Variants in SGCZ observed in about 807,000 individuals in gnomAD.
SGCZ encodes the protein zeta-sarcoglycan.
Under a neutral mutation model 41.3 loss-of-function variants are expected in SGCZ, and 40 were observed. That is an observed-to-expected ratio of 0.97 (90% CI 0.75 to 1.26). SGCZ has a LOEUF of 1.26. Ranked by LOEUF, SGCZ falls within the 50% of genes most tolerant of loss-of-function variation. SGCZ has a pLI of 0.00. For synonymous variants in SGCZ, 206 were observed against 137.5 expected (o/e 1.50, Z -3.49); for missense variants, 552 against 369.8 (o/e 1.49, Z -4.04).
Position 14,988,850 on chromosome 8 carries a change from C to A in SGCZ, c.39+248735G>T, listed in dbSNP as rs556068733. ...AGAAAACTGCTACCCTCATTTATTT[C>A]TGGATATTTAAAGTTGCCCCACTGG... On this transcript the variant is annotated intron_variant, in intron 1 of 7. Coordinates refer to ENST00000382080, the MANE Select transcript of SGCZ (RefSeq NM_139167.4). 4.6e-5 allele frequency among the ~76,000 whole-genome samples: 7 copies of A among 152,114 alleles called. No individual in the cohort carries two copies. In the East Asian group the frequency reaches 1.3e-3, roughly 29 times the overall value.
intron 1 of SGCZ, among the ~76,000 whole-genome samples, chr8:15,113,705 G>T (rs766376585): frequency 2.0e-5 from 3 of 152,090 alleles, no homozygotes; most frequent in Non-Finnish European, 4.4e-5. Context: ...GTCATTGCAT[G>T]AAATTATGCA....
At chr8:14,953,824 T>A (rs1405405932) in intron 1 of SGCZ, among the ~76,000 whole-genome samples, 1 of 152,230 alleles carries the variant, frequency 6.6e-6, no homozygotes, top group African/African-American at 2.4e-5. Context: ...TACACTATTA[T>A]GATTACTTCA....
chr8:14,835,381 CT>C (rs1344860248), intron 1 of SGCZ, among the ~76,000 whole-genome samples: 1 of 152,174 alleles, frequency 6.6e-6, no homozygotes, highest in African/African-American at 2.4e-5. Flanking sequence ...TGAATATTTT[CT>C]TACTTACTTT....
chr8:14,297,965 C>T (rs983361628), intron 3 of SGCZ, among the ~76,000 whole-genome samples: 4 of 151,814 alleles, frequency 2.6e-5, no homozygotes, highest in African/African-American at 9.7e-5. Flanking sequence ...AACATTCTTA[C>T]CAAATATTAA....
Position 14,102,510 on chromosome 8 carries a change from AAC to A in SGCZ, c.621-13_621-12del. The A allele has an allele frequency of 7.2e-7, 1 of 1,392,116 alleles. No homozygotes were observed. Among genetic ancestry groups the A allele is most frequent in the Non-Finnish European group, 9.4e-7 (1 of 1,059,374 alleles). The allele number at this position is 1,392,116 out of a possible 1,614,324, so 86.2% of individuals were successfully genotyped here. A position where few individuals can be genotyped will look rare whatever the true frequency, so the allele number is the denominator to read the frequency against. Reference sequence around the variant, plus strand: ...GTGGGTGATTCAAGCCTAAGGGAAAAACAAAAAATCATTAATAGGAAAAAAAA... The same window carrying A: ...GTGGGTGATTCAAGCCTAAGGGAAAAAAAAAATCATTAATAGGAAAAAAAA... On this transcript the variant is annotated splice_polypyrimidine_tract_variant and intron_variant, in intron 6 of 7. Transcript: ENST00000382080.
chr8:14,252,818 C>A (rs753863366), intron 3 of SGCZ, among the ~76,000 whole-genome samples: 7 of 152,154 alleles, frequency 4.6e-5, no homozygotes, highest in Non-Finnish European at 7.4e-5. Flanking sequence ...AAGGGAAATT[C>A]TGATTTTAGC....
chr8:14,828,929 G>T (rs562187624), intron 1 of SGCZ, among the ~76,000 whole-genome samples: 2 of 151,614 alleles, frequency 1.3e-5, no homozygotes, highest in African/African-American at 4.9e-5. Context: ...CATCTTAACA[G>T]TCCTGATATG....
chr8:14,242,345 C>G (rs915950245), intron 3 of SGCZ, among the ~76,000 whole-genome samples: 1 of 152,130 alleles, frequency 6.6e-6, no homozygotes, highest in Non-Finnish European at 1.5e-5. Flanking sequence ...TATATGAGAT[C>G]ATCCAGTTAT....
intron 1 of SGCZ, among the ~76,000 whole-genome samples, chr8:14,727,711 A>C (rs1413717234): frequency 6.6e-6 from 1 of 151,858 alleles, no homozygotes; most frequent in South Asian, 2.1e-4. Flanking sequence ...ACGGGGTTGC[A>C]CCGTGTCAGC....
At chr8:15,198,648 C>T (rs564942650) in intron 1 of SGCZ, among the ~76,000 whole-genome samples, 1 of 152,066 alleles carries the variant, frequency 6.6e-6, no homozygotes, top group Admixed American at 6.6e-5. Context: ...CTAATACAAC[C>T]CTTAATAACA....
chr8:14,091,505 A>G (rs1476154121), intron 7 of SGCZ, among the ~76,000 whole-genome samples: 1 of 152,050 alleles, frequency 6.6e-6, no homozygotes, highest in Non-Finnish European at 1.5e-5. Context: ...TGACTTTTGA[A>G]TGACTGCCAT....
chr8:14,387,052 A>G (rs538264832), intron 2 of SGCZ, among the ~76,000 whole-genome samples: 18 of 152,302 alleles, frequency 1.2e-4, no homozygotes, highest in African/African-American at 4.3e-4. Context: ...AAAAATGTGA[A>G]AACACATTTA....
At chr8:14,937,713 T>C (rs1800130012) in intron 1 of SGCZ, among the ~76,000 whole-genome samples, 1 of 152,174 alleles carries the variant, frequency 6.6e-6, no homozygotes. Context: ...AATTTTGTTT[T>C]AGATATCCTT....
At chr8:14,338,699 TTTA>T (rs1802587026) in intron 2 of SGCZ, among the ~76,000 whole-genome samples, 1 of 152,194 alleles carries the variant, frequency 6.6e-6, no homozygotes, top group African/African-American at 2.4e-5. Flanking sequence ...TTATTTAGTG[TTTA>T]TTTTTGAAAA....
intron 1 of SGCZ, among the ~76,000 whole-genome samples, chr8:14,800,654 T>A (rs1801291966): frequency 6.6e-6 from 1 of 152,174 alleles, no homozygotes; most frequent in Non-Finnish European, 1.5e-5. Context: ...CTTTCTCTCC[T>A]TCTGCCATGT....
At chr8:14,274,579 C>A (rs1800167790) in intron 3 of SGCZ, among the ~76,000 whole-genome samples, 1 of 152,234 alleles carries the variant, frequency 6.6e-6, no homozygotes, top group South Asian at 2.1e-4. Context: ...GTTTCCTAAC[C>A]ATGTTATTGT....
At chr8:14,212,258 T>C (rs1274960017) in intron 4 of SGCZ, among the ~76,000 whole-genome samples, 3 of 151,862 alleles carry the variant, frequency 2.0e-5, no homozygotes, top group Non-Finnish European at 4.4e-5. Context: ...ATGTGGAAAG[T>C]CCAAGAGAAA....
intron 1 of SGCZ, among the ~76,000 whole-genome samples, chr8:14,978,459 A>G (rs1801556147): frequency 8.9e-6 from 1 of 111,756 alleles, no homozygotes; most frequent in Non-Finnish European, 1.7e-5. Flanking sequence ...GGACCGAGTG[A>G]GACACCGTCA....
At chr8:14,888,172 CA>C (rs1804879979) in intron 1 of SGCZ, among the ~76,000 whole-genome samples, 1 of 151,872 alleles carries the variant, frequency 6.6e-6, no homozygotes, top group East Asian at 1.9e-4. Context: ...AGCAATACAC[CA>C]AAAAAGCAAA....
Sources: gnomAD v4.1 joint callset for allele counts (sites outside exome capture counted in the v4.1 genomes callset) on GRCh38, gnomAD v4.1.1 for gene constraint, MANE v1.5 for transcripts, NCBI Gene and HGNC (gene_info 2026-07-23, HGNC 2026-07-21) for gene names.